The following ARHGAP21 variants were observed in gnomAD, a reference collection of about 807,000 sequenced individuals.
ARHGAP21 encodes Rho GTPase activating protein 21.
ARHGAP21 carries 38 observed loss-of-function variants against 164.6 expected under a neutral mutation model. That is an observed-to-expected ratio of 0.23 (90% CI 0.18 to 0.30). The LOEUF is 0.30. ARHGAP21 is among the 10% of genes least tolerant of loss of function. ARHGAP21 has a pLI of 1.00. For synonymous variants in ARHGAP21, 766 were observed against 857.9 expected, an observed-to-expected ratio of 0.89 and a Z score of 1.87; for missense variants, 1,822 against 2,370.7, an observed-to-expected ratio of 0.77 and a Z score of 4.81.
At chr10:24,639,105 T>C (rs1423026776) in intron 4 of ARHGAP21, among the ~76,000 whole-genome samples, 2 of 152,190 alleles carry the variant, frequency 1.3e-5, no homozygotes, top group African/African-American at 4.8e-5. Flanking sequence ...TTCATTATAA[T>C]GCAACAGTTA....
At chr10:24,712,595 G>C (rs1048729792) in intron 2 of ARHGAP21, among the ~76,000 whole-genome samples, 6 of 152,120 alleles carry the variant, frequency 3.9e-5, no homozygotes, top group African/African-American at 1.4e-4. Context: ...CAAAAACTCT[G>C]TACTTGTTCA....
chr10:24,699,359 T>C (rs1392006414), intron 2 of ARHGAP21, among the ~76,000 whole-genome samples: 2 of 152,128 alleles, frequency 1.3e-5, no homozygotes, highest in African/African-American at 4.8e-5. Context: ...GGAGTCTCAC[T>C]CGTCCCCCAG....
intron 12 of ARHGAP21, 91 bp downstream of exon 12, chr10:24,604,221 T>TAATATTTA: frequency 1.1e-6 from 1 of 869,620 alleles, no homozygotes; most frequent in Non-Finnish European, 1.7e-6. Context: ...TAAAAGATTA[T>TAATATTTA]AATATTTAAA....
chr10:24,653,255 G>A (rs961220660), intron 4 of ARHGAP21, among the ~76,000 whole-genome samples: 2 of 152,000 alleles, frequency 1.3e-5, no homozygotes, highest in African/African-American at 4.8e-5. Flanking sequence ...CTGTTTAGAA[G>A]AGGATTTTGT....
At chr10:24,660,864 C>T (rs1005411665) in intron 4 of ARHGAP21, among the ~76,000 whole-genome samples, 4 of 152,144 alleles carry the variant, frequency 2.6e-5, no homozygotes, top group African/African-American at 4.8e-5. Flanking sequence ...ACATATGTAG[C>T]GGAAGAGCTC....
intron 2 of ARHGAP21, among the ~76,000 whole-genome samples, chr10:24,694,272 CAAGA>C (rs1249706824): frequency 6.6e-6 from 1 of 152,194 alleles, no homozygotes; most frequent in Non-Finnish European, 1.5e-5. Context: ...CCCTATTGCA[CAAGA>C]AAGAATTAAC....
At chr10:24,693,249 T>C (rs753070627) in intron 2 of ARHGAP21, among the ~76,000 whole-genome samples, 2 of 152,184 alleles carry the variant, frequency 1.3e-5, no homozygotes, top group Admixed American at 6.5e-5. Context: ...ATTTAAAACA[T>C]TTACAAAAAC....
At chr10:24,708,581 C>T (rs1844465565) in intron 2 of ARHGAP21, among the ~76,000 whole-genome samples, 2 of 152,226 alleles carry the variant, frequency 1.3e-5, no homozygotes, top group African/African-American at 2.4e-5. Context: ...CCTGCTCCCA[C>T]TCTGTCACCC....
chr10:24,607,406 A>G (rs577794742), intron 11 of ARHGAP21, 93 bp downstream of exon 11: 3 of 1,049,286 alleles, frequency 2.9e-6, no homozygotes, highest in Admixed American at 2.3e-5. Context: ...GTTAGAAAAC[A>G]TAAGACATCA....
intron 2 of ARHGAP21, among the ~76,000 whole-genome samples, chr10:24,691,038 T>A (rs895420447): frequency 6.6e-6 from 1 of 151,960 alleles, no homozygotes; most frequent in Non-Finnish European, 1.5e-5. Flanking sequence ...AACAGGAATG[T>A]CTTAAAATAT....
At chr10:24,673,442 G>A (rs1173610135) in intron 2 of ARHGAP21, among the ~76,000 whole-genome samples, 1 of 152,164 alleles carries the variant, frequency 6.6e-6, no homozygotes, top group African/African-American at 2.4e-5. Context: ...TGTCAATATT[G>A]TACAAGTATA....
chr10:24,587,063 A>G (rs573050190), intron 25 of ARHGAP21, among the ~76,000 whole-genome samples: 2 of 152,312 alleles, frequency 1.3e-5, no homozygotes, highest in Admixed American at 1.3e-4. Flanking sequence ...GGAAAGATCA[A>G]TTAACATAAG....
chr10:24,652,536 G>C (rs1838289334), intron 4 of ARHGAP21, among the ~76,000 whole-genome samples: 1 of 152,038 alleles, frequency 6.6e-6, no homozygotes, highest in South Asian at 2.1e-4. Flanking sequence ...ATACGAAACT[G>C]AAAGGCAAGT....
At position 24,611,450 on chromosome 10, in the gene ARHGAP21, T is replaced by C. The variant is rs533588279; in HGVS notation, c.2423-3547A>G. Among the ~76,000 whole-genome samples the C allele has an allele frequency of 3.4e-4, 52 of 152,258 alleles. No individual in the cohort carries two copies. In the South Asian group the frequency reaches 0.01, roughly 30 times the overall value. ...CAGGCGCGGTGGCTCATGCCTGTAA[T>C]CCTAGCAGTTTGGGAGGCCAAGGTG... On this transcript the variant is annotated intron_variant, in intron 9 of 25. Coordinates refer to ENST00000396432, the MANE Select transcript of ARHGAP21 (RefSeq NM_020824.4).
chr10:24,704,805 C>A (rs968924195), intron 2 of ARHGAP21, among the ~76,000 whole-genome samples: 1 of 151,974 alleles, frequency 6.6e-6, no homozygotes, highest in African/African-American at 2.4e-5. Context: ...AGGGTTTCTC[C>A]ATGTTGGCCA....
intron 2 of ARHGAP21, among the ~76,000 whole-genome samples, chr10:24,699,119 CT>C (rs1342609671): frequency 6.6e-6 from 1 of 152,146 alleles, no homozygotes; most frequent in African/African-American, 2.4e-5. Flanking sequence ...TACTGTGTAT[CT>C]ATCATTCCAG....
intron 21 of ARHGAP21, among the ~76,000 whole-genome samples, chr10:24,592,562 C>G (rs1009899921): frequency 2.2e-4 from 34 of 151,920 alleles, no homozygotes; most frequent in African/African-American, 7.7e-4. Context: ...AGTCCCAGCA[C>G]TTTGGGGGAC....
chr10:24,697,960 G>T (rs1011455951), intron 2 of ARHGAP21, among the ~76,000 whole-genome samples: 1 of 152,162 alleles, frequency 6.6e-6, no homozygotes, highest in African/African-American at 2.4e-5. Flanking sequence ...ACTGCATTTG[G>T]GGGGGAAATT....
intron 2 of ARHGAP21, among the ~76,000 whole-genome samples, chr10:24,701,583 G>A (rs1436630477): frequency 6.6e-6 from 1 of 152,162 alleles, no homozygotes; most frequent in Non-Finnish European, 1.5e-5. Flanking sequence ...TCAGGAAGTG[G>A]GAACGGTGAG....
Sources: gnomAD v4.1 joint callset for allele counts (sites outside exome capture counted in the v4.1 genomes callset) on GRCh38, gnomAD v4.1.1 for gene constraint, MANE v1.5 for transcripts, NCBI Gene and HGNC (gene_info 2026-07-23, HGNC 2026-07-21) for gene names.